The following CLHC1 variants were observed in gnomAD, a reference collection of about 807,000 sequenced individuals.
CLHC1 encodes the protein clathrin heavy chain linker domain containing 1.
Under a neutral mutation model 69.5 loss-of-function variants are expected in CLHC1, and 72 were observed. That is an observed-to-expected ratio of 1.04 (90% CI 0.86 to 1.26). CLHC1 has a LOEUF of 1.26. CLHC1 is among the 50% of genes most tolerant of loss of function. The pLI is 0.00. For synonymous variants in CLHC1, 223 were observed against 224.3 expected (o/e 0.99, Z 0.05); for missense variants, 790 against 679.3 (o/e 1.16, Z -1.81).
Position 55,175,737 on chromosome 2 carries a change from A to G in CLHC1, c.*53T>C. 1 of 1,314,100 alleles carries G rather than the reference A, an allele frequency of 7.6e-7. No individual in the cohort carries two copies. The highest frequency in any genetic ancestry group is 1.1e-6 in the Non-Finnish European group (1 of 939,742). The allele number at this position is 1,314,100 out of a possible 1,614,324, so 81.4% of individuals were successfully genotyped here. A position where few individuals can be genotyped will look rare whatever the true frequency, so the allele number is the denominator to read the frequency against. Reference sequence around the variant, plus strand: ...GTTACGTTAAAATCAGTTTTTCCCAACCAGCATACATAAGGTGTTGTACAA... The same window carrying G: ...GTTACGTTAAAATCAGTTTTTCCCAGCCAGCATACATAAGGTGTTGTACAA... On this transcript the variant is annotated 3_prime_UTR_variant, in exon 13 of 13. Coordinates refer to ENST00000401408, the MANE Select transcript of CLHC1 (RefSeq NM_152385.4).
intron 3 of CLHC1, 101 bp from the exon 4 acceptor site, chr2:55,218,099 CAT>C (rs2104019144): frequency 3.5e-6 from 2 of 574,258 alleles, no homozygotes; most frequent in Non-Finnish European, 5.5e-6. Context: ...AAAAATGAAA[CAT>C]GATTAGCAAT....
At chr2:55,194,036 T>C (rs536655148) in intron 9 of CLHC1, among the ~76,000 whole-genome samples, 1 of 152,104 alleles carries the variant, frequency 6.6e-6, no homozygotes, top group Non-Finnish European at 1.5e-5. Flanking sequence ...TAGTGTATGA[T>C]CCCATTCACA....
Position 55,212,718 on chromosome 2 carries a change from C to T in CLHC1, c.454G>A (p.Val152Ile). Residue 152 changes from valine (V) to isoleucine (I), a missense_variant, in exon 5 of 13, where the codon GTA (valine) becomes ATA (isoleucine). By Grantham distance (29) the Val-to-Ile change is conservative. Transcript: ENST00000401408. ...TCTTTGGAGAAAGTACAATATTTTA[C>T]TTCTTTTGTGTCATACTCTGCCCTA... is the stretch of plus-strand genomic sequence containing the variant. ...QCRAEYDTKEVKYCTFSKDPS... is the reference protein window; with the variant it reads ...QCRAEYDTKEIKYCTFSKDPS... 1 of 1,598,282 alleles carries T rather than the reference C, an allele frequency of 6.3e-7. No homozygotes were observed. The highest frequency in any genetic ancestry group is 8.6e-7 in the Non-Finnish European group (1 of 1,165,776).
chr2:55,181,454 A>G, intron 10 of CLHC1, 116 bp downstream of exon 10: 1 of 808,334 alleles, frequency 1.2e-6, no homozygotes, highest in South Asian at 1.9e-5. Context: ...ATTAATTGCA[A>G]TAGGGACCTG....
chr2:55,200,486 G>A (rs765485175), intron 9 of CLHC1, among the ~76,000 whole-genome samples: 15 of 152,072 alleles, frequency 9.9e-5, no homozygotes, highest in Non-Finnish European at 2.1e-4. Flanking sequence ...CATAACAATT[G>A]TAAATATATA....
chr2:55,181,190 A>G (rs1669900704), intron 10 of CLHC1, among the ~76,000 whole-genome samples: 1 of 152,170 alleles, frequency 6.6e-6, no homozygotes, highest in Non-Finnish European at 1.5e-5. Context: ...CATGTTGGCT[A>G]GGCTGGTCTT....
chr2:55,197,372 T>C (rs750897085), intron 9 of CLHC1, among the ~76,000 whole-genome samples: 2 of 152,170 alleles, frequency 1.3e-5, no homozygotes, highest in Admixed American at 6.5e-5. Flanking sequence ...CATGTAGTGA[T>C]TACAGTGGGC....
chr2:55,226,577 C>G (rs142487725), intron 2 of CLHC1, among the ~76,000 whole-genome samples: 2 of 152,262 alleles, frequency 1.3e-5, no homozygotes, highest in East Asian at 3.9e-4. Flanking sequence ...AAAGCTTACA[C>G]AGTATTTCAT....
intron 9 of CLHC1, among the ~76,000 whole-genome samples, chr2:55,204,215 C>T (rs532314759): frequency 3.9e-5 from 6 of 152,048 alleles, no homozygotes; most frequent in East Asian, 1.9e-4. Flanking sequence ...ACCTGGGAGG[C>T]GGAGGTTGTG....
At chr2:55,198,277 G>T (rs1671612420) in intron 9 of CLHC1, among the ~76,000 whole-genome samples, 1 of 152,194 alleles carries the variant, frequency 6.6e-6, no homozygotes, top group African/African-American at 2.4e-5. Context: ...AGATGGGGTA[G>T]AAAGTTTATT....
Position 55,228,100 on chromosome 2 carries a change from C to G in CLHC1, c.-151G>C, listed in dbSNP as rs1364784821. 6.6e-6 allele frequency: 1 copy of G among 152,280 alleles called. No homozygotes were observed. Among genetic ancestry groups the G allele is most frequent in the African/African-American group, 2.4e-5 (1 of 41,444 alleles). 9.4% of individuals were successfully genotyped at this position (152,280 alleles called of 1,614,324 possible). ...TTCCCTTAAAATTGGTCAGATGCCA[C>G]TGCTATGTTCTCCCATAATACTGTG... is the stretch of plus-strand genomic sequence containing the variant. On this transcript the variant is annotated 5_prime_UTR_variant, in exon 2 of 13. Coordinates refer to ENST00000401408, the MANE Select transcript of CLHC1 (RefSeq NM_152385.4).
rs189880228 is a variant in CLHC1 at position 55,178,515 on chromosome 2, T to G, written c.1385-734A>C. On this transcript the variant is annotated intron_variant, in intron 11 of 12. Coordinates refer to ENST00000401408, the MANE Select transcript of CLHC1 (RefSeq NM_152385.4). ...ATTTTTTCAAAACAAAGTCTCACTG[T>G]GTGGCCCAGGCTGGAGTGCATGGCT... 1.1e-4 allele frequency among the ~76,000 whole-genome samples: 17 copies of G among 152,336 alleles called. No homozygotes were observed. The East Asian group carries it at 3.3e-3, about 29-fold the overall frequency.
chr2:55,216,535 T>C (rs1476258386), intron 4 of CLHC1, among the ~76,000 whole-genome samples: 1 of 151,986 alleles, frequency 6.6e-6, no homozygotes, highest in African/African-American at 2.4e-5. Context: ...TATTTTATTT[T>C]ATTCCTTTTT....
At chr2:55,186,581 T>C (rs1443407682) in intron 9 of CLHC1, among the ~76,000 whole-genome samples, 1 of 151,370 alleles carries the variant, frequency 6.6e-6, no homozygotes, top group Non-Finnish European at 1.5e-5. Flanking sequence ...CTGTGAGATG[T>C]CATCTCTACA....
At chr2:55,214,838 AG>A (rs1234950450) in intron 4 of CLHC1, 1 of 152,260 alleles carries the variant, frequency 6.6e-6, no homozygotes, top group Non-Finnish European at 1.5e-5. Flanking sequence ...AACAAAATGT[AG>A]TATATACATA....
In CLHC1 at chr2:55,175,750, AG is replaced by A; in HGVS notation, c.*39del. On this transcript the variant is annotated 3_prime_UTR_variant, in exon 13 of 13. Transcript: ENST00000401408. Reference sequence around the variant, plus strand: ...CAGTTTTTCCCAACCAGCATACATAAGGTGTTGTACAAGCTCCCTCAGCTGG... The same window carrying A: ...CAGTTTTTCCCAACCAGCATACATAAGTGTTGTACAAGCTCCCTCAGCTGG... The A allele has an allele frequency of 7.0e-7, 1 of 1,438,162 alleles. No individual in the cohort carries two copies. The highest frequency in any genetic ancestry group is 1.4e-5 in the African/African-American group (1 of 71,020). 89.1% of individuals were successfully genotyped at this position (1,438,162 alleles called of 1,614,324 possible).
chr2:55,199,522 T>TTTG (rs1376354674), intron 9 of CLHC1, among the ~76,000 whole-genome samples: 4 of 151,956 alleles, frequency 2.6e-5, no homozygotes, highest in African/African-American at 9.7e-5. Flanking sequence ...TACAAAAACT[T>TTTG]TTCAAGACAT....
chr2:55,174,627 G>A lies in CLHC1; in HGVS notation c.*1163C>T, dbSNP rs999265024. ...TATAAGTGAGTAAGAGGTAGGACCA[G>A]AATTTTAATATGAAGCTGTCTGACT... is the stretch of plus-strand genomic sequence containing the variant. On this transcript the variant is annotated 3_prime_UTR_variant, in exon 13 of 13. Transcript: ENST00000401408. 5.3e-5 allele frequency among the ~76,000 whole-genome samples: 8 copies of A among 152,184 alleles called. No homozygotes were observed. The highest frequency in any genetic ancestry group is 1.0e-4 in the Non-Finnish European group (7 of 68,044).
At position 55,172,930 on chromosome 2, in the gene CLHC1, C is replaced by T. The variant is rs1375319849; in HGVS notation, c.*2860G>A. ...TCTGTTCAACATCTCTAAACCTTTC[C>T]AAATGAATGAATTTAATAGAAATTC... On this transcript the variant is annotated 3_prime_UTR_variant, in exon 13 of 13. Transcript: ENST00000401408. Among the ~76,000 whole-genome samples the T allele has an allele frequency of 1.3e-5, 2 of 152,070 alleles. No individual in the cohort carries two copies. The highest frequency in any genetic ancestry group is 4.8e-5 in the African/African-American group (2 of 41,414).
Sources: gnomAD v4.1 joint callset for allele counts (sites outside exome capture counted in the v4.1 genomes callset) on GRCh38, gnomAD v4.1.1 for gene constraint, MANE v1.5 for transcripts, NCBI Gene and HGNC (gene_info 2026-07-23, HGNC 2026-07-21) for gene names.